CACNA1H: variants seen among roughly 807,000 people sequenced by gnomAD.
CACNA1H encodes voltage-dependent T-type calcium channel subunit alpha-1H.
CACNA1H carries 149 observed loss-of-function variants against 192.5 expected under a neutral mutation model. The ratio of observed to expected loss-of-function variants is 0.77; its 90% CI spans 0.68 to 0.89. The LOEUF is 0.89. Ranked by LOEUF, CACNA1H falls within the 40% of genes least tolerant of loss-of-function variation. CACNA1H has a pLI of 0.00. For synonymous variants in CACNA1H, 2,202 were observed against 1,475.2 expected, an observed-to-expected ratio of 1.49 and a Z score of -11.29; for missense variants, 4,257 against 3,423.5, an observed-to-expected ratio of 1.24 and a Z score of -6.08.
chr16:1,212,865 C>T (rs1298153374), intron 26 of CACNA1H, among the ~76,000 whole-genome samples: 3 of 152,232 alleles, frequency 2.0e-5, no homozygotes, highest in South Asian at 2.1e-4. Context: ...TCTCCGGCTG[C>T]CCGGGCTGCG....
chr16:1,198,848 C>A, intron 6 of CACNA1H, 74 bp downstream of exon 6: 1 of 1,415,590 alleles, frequency 7.1e-7, no homozygotes, highest in Non-Finnish European at 9.6e-7. Context: ...CACCATGTGG[C>A]TCCACCGCCC....
intron 2 of CACNA1H, among the ~76,000 whole-genome samples, chr16:1,172,149 C>T (rs536217721): frequency 6.6e-6 from 1 of 152,208 alleles, no homozygotes; most frequent in Non-Finnish European, 1.5e-5. Context: ...GCGTGGGCCG[C>T]ACACGGTGGG....
rs540979864 is a variant in CACNA1H, at chr16:1,162,115, C to T, written c.299+8079C>T. Among the ~76,000 whole-genome samples, 196 of 152,200 alleles carry T rather than the reference C, an allele frequency of 1.3e-3. 3 individuals carry two copies. The highest frequency in any genetic ancestry group is 2.4e-4 in the Non-Finnish European group (16 of 67,982). ...GCCCTCCTGGCCTCTGGGTGTGTGG[C>T]GGGGACTCCTCGTCCCCACTCAGTC... is the stretch of plus-strand genomic sequence containing the variant. On this transcript the variant is annotated intron_variant, in intron 2 of 34. Coordinates refer to ENST00000348261, the MANE Select transcript of CACNA1H (RefSeq NM_021098.3).
In CACNA1H at chr16:1,220,308, G is replaced by A. The variant is rs1970380131; in HGVS notation, c.6376G>A (p.Ala2126Thr). Residue 2126 changes from alanine to threonine, a missense_variant, in exon 35 of 35, where the codon GCC becomes ACC. By Grantham distance (58) the Ala-to-Thr change is moderately conservative (BLOSUM62 0). Transcript: ENST00000348261. ...EPHGPEASPVAGGERDLRRLY... is the reference protein window; with the variant it reads ...EPHGPEASPVTGGERDLRRLY... ...CCATGGCCCCGAAGCCTCTCCGGTG[G>A]CCGGCGGCGAGCGGGACCTGCGCAG... 1.3e-6 allele frequency: 2 copies of A among 1,563,476 alleles called. No individual in the cohort carries two copies. Among genetic ancestry groups the A allele is most frequent in the East Asian group, 4.7e-5 (2 of 42,314 alleles).
At chr16:1,218,713 GCAGGTGGGAGGGAGGATGGGGT>G (rs1970236726) in intron 33 of CACNA1H, 62 bp downstream of exon 33, 2 of 1,402,978 alleles carry the variant, frequency 1.4e-6, no homozygotes, top group Non-Finnish European at 1.9e-6. Flanking sequence ...GAAGATGGGG[GCAGGTGGGAGGGAGGATGGGGT>G]CAGGCCAGAG....
intron 9 of CACNA1H, 135 bp from the exon 10 acceptor site, chr16:1,203,875 T>G: frequency 1.6e-6 from 1 of 630,078 alleles, no homozygotes; most frequent in Non-Finnish European, 2.7e-6. Flanking sequence ...CAGTCACAGG[T>G]TCTGGAGGTT....
chr16:1,176,235 C>T (rs907734288), intron 2 of CACNA1H, among the ~76,000 whole-genome samples: 1 of 152,228 alleles, frequency 6.6e-6, no homozygotes, highest in Non-Finnish European at 1.5e-5. Flanking sequence ...CCCTGACTGT[C>T]GGTTCTGAGC....
rs147142971 is a variant in CACNA1H at position 1,218,044 on chromosome 16, C to G, written c.5445+4C>G. On this transcript the variant is annotated splice_donor_region_variant and intron_variant, in intron 32 of 34. Coordinates refer to ENST00000348261, the MANE Select transcript of CACNA1H (RefSeq NM_021098.3). ...CAACTGGAACGGGATCATGAAGGTACCCGCCGCGGCCATGCCTCTGGCACC... is the reference window on the plus strand; with the variant it reads ...CAACTGGAACGGGATCATGAAGGTAGCCGCCGCGGCCATGCCTCTGGCACC... 1 of 1,596,226 alleles carries G rather than the reference C, an allele frequency of 6.3e-7. No individual in the cohort carries two copies. Among genetic ancestry groups the G allele is most frequent in the Admixed American group, 1.7e-5 (1 of 58,256 alleles).
At position 1,202,190 on chromosome 16, in the gene CACNA1H, C is replaced by T. The variant is rs1252653205; in HGVS notation, c.1740C>T (p.Cys580=). ...ESVHSIYHAD[C]HIEGPQERAR... is the part of the protein sequence containing the mutation. ...TGCACAGCATCTACCATGCCGACTG[C>T]CACATAGAGGGGCCGCAGGAGAGGG... Residue 580 remains cysteine (C), a synonymous_variant, in exon 9 of 35, where the codon TGC becomes TGT. Transcript: ENST00000348261. 5 of 1,552,938 alleles carry T rather than the reference C, an allele frequency of 3.2e-6. No homozygotes were observed. The South Asian group carries it at 3.6e-5, about 11-fold the overall frequency.
At chr16:1,213,542 A>C (rs970445071) in intron 26 of CACNA1H, among the ~76,000 whole-genome samples, 7 of 152,060 alleles carry the variant, frequency 4.6e-5, no homozygotes, top group African/African-American at 1.2e-4. Context: ...CTCCTGGCCT[A>C]GCCAGCTCCC....
chr16:1,202,016 TCACCACCAC>T lies in CACNA1H; in HGVS notation c.1576_1584del (p.His526_His528del), dbSNP rs760736442. 10 of 1,537,074 alleles carry T rather than the reference TCACCACCAC, an allele frequency of 6.5e-6. No homozygotes were observed. The highest frequency in any genetic ancestry group is 4.1e-5 in the African/African-American group (3 of 72,844). On this transcript the variant is annotated inframe_deletion, in exon 9 of 35. Transcript: ENST00000348261. ...TGCACCACCTGGTCTACCACCACCA[TCACCACCAC>T]CACCACCACTACCATTTCAGCCATG...
intron 34 of CACNA1H, among the ~76,000 whole-genome samples, chr16:1,219,447 C>A (rs1298517903): frequency 1.3e-5 from 2 of 151,872 alleles, no homozygotes; most frequent in Non-Finnish European, 2.9e-5. Context: ...ACAGCAGTTT[C>A]CCAGGGCCCA....
chr16:1,218,165 C>G (rs1408954585), intron 32 of CACNA1H, 45 bp from the exon 33 acceptor site: 1 of 1,535,388 alleles, frequency 6.5e-7, no homozygotes, highest in African/African-American at 1.4e-5. Flanking sequence ...GGGTGGCACC[C>G]GCGGGTGGGT....
At chr16:1,205,981 C>T (rs1231196322) in intron 11 of CACNA1H, 123 bp from the exon 12 acceptor site, 4 of 868,832 alleles carry the variant, frequency 4.6e-6, no homozygotes, top group Admixed American at 5.7e-5. Context: ...CATACCCTCT[C>T]CCATCTGTGG....
At chr16:1,218,149 C>G (rs1297280159) in intron 32 of CACNA1H, 61 bp from the exon 33 acceptor site, 4 of 1,534,138 alleles carry the variant, frequency 2.6e-6, no homozygotes, top group East Asian at 2.5e-5. Flanking sequence ...GGGGACGGCA[C>G]TGCCAGGGTG....
Position 1,204,073 on chromosome 16 carries a change from C to T in CACNA1H, c.2066C>T (p.Pro689Leu), listed in dbSNP as rs753869048. ...GTGCCCTGCCCCCTGCCCAGCCCCC[C>T]AGCGGGCACACTGACCTGTGAGCTG... is the stretch of plus-strand genomic sequence containing the variant. The part of the protein sequence containing the change: ...LSVPCPLPSP[P>L]AGTLTCELKS... Residue 689 changes from proline (P) to leucine (L), a missense_variant, in exon 10 of 35, where the codon CCA (proline) becomes CTA (leucine). Physicochemically the swap from Pro to Leu is moderately conservative, Grantham distance 98. Coordinates refer to ENST00000348261, the MANE Select transcript of CACNA1H (RefSeq NM_021098.3). 3.1e-6 allele frequency: 5 copies of T among 1,603,602 alleles called. No homozygotes were observed. The African/African-American group carries it at 5.3e-5, about 17-fold the overall frequency.
At chr16:1,219,426 G>A (rs1253000740) in intron 34 of CACNA1H, among the ~76,000 whole-genome samples, 5 of 151,854 alleles carry the variant, frequency 3.3e-5, no homozygotes, top group South Asian at 4.2e-4. Flanking sequence ...CTCAGGTCCC[G>A]TGGTGGGCAG....
At chr16:1,181,922 T>G (rs879760730) in intron 2 of CACNA1H, among the ~76,000 whole-genome samples, 1 of 152,064 alleles carries the variant, frequency 6.6e-6, no homozygotes, top group Admixed American at 6.5e-5. Flanking sequence ...CCCTCACACA[T>G]GCATGTCCCC....
chr16:1,183,940 C>T (rs1290356934), intron 2 of CACNA1H, among the ~76,000 whole-genome samples: 1 of 152,244 alleles, frequency 6.6e-6, no homozygotes, highest in Non-Finnish European at 1.5e-5. Context: ...TGCCCTGGAG[C>T]CGTGTCCATG....
Sources: gnomAD v4.1 joint callset for allele counts (sites outside exome capture counted in the v4.1 genomes callset) on GRCh38, gnomAD v4.1.1 for gene constraint, MANE v1.5 for transcripts, NCBI Gene and HGNC (gene_info 2026-07-23, HGNC 2026-07-21) for gene names.